The following SMYD3 variants were observed in gnomAD, a reference collection of about 807,000 sequenced individuals.
SMYD3 encodes SET and MYND domain containing 3, also known as histone-lysine N-methyltransferase SMYD3.
In SMYD3, 36 loss-of-function variants were observed where a neutral mutation model predicts 57.7. The ratio of observed to expected loss-of-function variants is 0.62; its 90% CI spans 0.48 to 0.82. The LOEUF (loss-of-function observed/expected upper bound fraction) is 0.82. Among genes scored for constraint, SMYD3 ranks in the 40% least tolerant of loss-of-function variants. The probability of loss-of-function intolerance (pLI) is 0.00; values close to 1 mark genes in which losing one functional copy is unlikely to be tolerated. For synonymous variants in SMYD3, 211 were observed against 195.0 expected (o/e 1.08, Z -0.68); for missense variants, 515 against 538.8 (o/e 0.96, Z 0.44).
At chr1:246,309,837 C>T (rs182637023) in intron 5 of SMYD3, among the ~76,000 whole-genome samples, 1 of 152,198 alleles carries the variant, frequency 6.6e-6, no homozygotes, top group Admixed American at 6.5e-5. Flanking sequence ...ATCTGGTGAA[C>T]TCCATTTAAA....
chr1:245,749,726 A>T, intron 11 of SMYD3, 62 bp from the exon 12 acceptor site: 1 of 1,322,782 alleles, frequency 7.6e-7, no homozygotes, highest in South Asian at 1.2e-5. Flanking sequence ...GCCATTCCCC[A>T]CCTTTACCCC....
intron 5 of SMYD3, among the ~76,000 whole-genome samples, chr1:246,269,533 C>CTTT (rs139750750): frequency 7.2e-6 from 1 of 138,788 alleles, no homozygotes; most frequent in Non-Finnish European, 1.5e-5. Context: ...CTTTCTGTTT[C>CTTT]TTTTTTTTTC....
chr1:246,072,063 CGTGTAGTT>C (rs2060461540), intron 5 of SMYD3, among the ~76,000 whole-genome samples: 1 of 35,552 alleles, frequency 2.8e-5, no homozygotes, highest in Non-Finnish European at 4.3e-5. Context: ...GTGGATGCAT[CGTGTAGTT>C]CTGGGGAGGG....
chr1:245,842,104 A>G (rs2050430795), intron 10 of SMYD3, among the ~76,000 whole-genome samples: 1 of 152,184 alleles, frequency 6.6e-6, no homozygotes, highest in East Asian at 1.9e-4. Context: ...GGATTTCACA[A>G]TCTAGGTTTG....
chr1:245,914,655 G>A (rs57441295), intron 8 of SMYD3, among the ~76,000 whole-genome samples: 4,104 of 152,248 alleles, frequency 0.027, 181 homozygotes, highest in African/African-American at 0.093. Context: ...ACAAACTTAG[G>A]AGGAACGAAT....
At chr1:246,420,595 G>A (rs1046551522) in intron 1 of SMYD3, among the ~76,000 whole-genome samples, 1 of 152,196 alleles carries the variant, frequency 6.6e-6, no homozygotes, top group Non-Finnish European at 1.5e-5. Flanking sequence ...GGACAGAGAA[G>A]ATAGTCTTAT....
chr1:245,828,490 T>A (rs965402961), intron 10 of SMYD3, among the ~76,000 whole-genome samples: 2 of 152,218 alleles, frequency 1.3e-5, no homozygotes, highest in Admixed American at 1.3e-4. Flanking sequence ...ATTATTTTTT[T>A]TTGATGATAG....
chr1:246,472,746 A>G (rs963763546), intron 1 of SMYD3, among the ~76,000 whole-genome samples: 3 of 152,052 alleles, frequency 2.0e-5, no homozygotes, highest in African/African-American at 4.8e-5. Context: ...CCTGTCTCCA[A>G]AAAAAAGTCA....
At chr1:245,851,030 A>G (rs986365486) in intron 10 of SMYD3, among the ~76,000 whole-genome samples, 5 of 152,144 alleles carry the variant, frequency 3.3e-5, no homozygotes, top group African/African-American at 1.2e-4. Context: ...GAGGCTTTAA[A>G]ATAGTAGAAT....
chr1:246,418,693 C>G (rs989494910), intron 1 of SMYD3, among the ~76,000 whole-genome samples: 1 of 152,132 alleles, frequency 6.6e-6, no homozygotes, highest in African/African-American at 2.4e-5. Context: ...ATGGTTTTCT[C>G]CCGGAGTCGG....
intron 10 of SMYD3, among the ~76,000 whole-genome samples, chr1:245,821,152 C>G (rs1333234243): frequency 6.7e-6 from 1 of 150,006 alleles, no homozygotes; most frequent in Non-Finnish European, 1.5e-5. Flanking sequence ...AACTATACTA[C>G]AAGGCTACAG....
intron 8 of SMYD3, among the ~76,000 whole-genome samples, chr1:245,870,748 A>G (rs2052142571): frequency 6.6e-6 from 1 of 152,198 alleles, no homozygotes; most frequent in African/African-American, 2.4e-5. Context: ...TTACAAAGCT[A>G]CGTTTCTTCC....
At chr1:245,936,925 GT>G (rs1167419515) in intron 5 of SMYD3, among the ~76,000 whole-genome samples, 14 of 152,132 alleles carry the variant, frequency 9.2e-5, no homozygotes, top group Admixed American at 2.6e-4. Flanking sequence ...GCGATATCAC[GT>G]GATAAAGGAG....
intron 5 of SMYD3, among the ~76,000 whole-genome samples, chr1:246,093,284 G>A (rs983167896): frequency 5.3e-5 from 8 of 152,130 alleles, no homozygotes; most frequent in Non-Finnish European, 5.9e-5. Context: ...CCAAAAGAAA[G>A]GAACTCAGTG....
At chr1:245,905,944 C>CA (rs2054533655) in intron 8 of SMYD3, among the ~76,000 whole-genome samples, 1 of 152,126 alleles carries the variant, frequency 6.6e-6, no homozygotes, top group Non-Finnish European at 1.5e-5. Context: ...TAGCCATATG[C>CA]AAAAGAATGA....
Position 246,007,689 on chromosome 1 carries a change from T to A in SMYD3, c.532-77752A>T, listed in dbSNP as rs534414481. Among the ~76,000 whole-genome samples the A allele has an allele frequency of 1.2e-3, 176 of 151,638 alleles. 3 individuals carry two copies. The Middle Eastern group carries it at 0.014, about 12-fold the overall frequency. On this transcript the variant is annotated intron_variant, in intron 5 of 11. Transcript: ENST00000490107. ...AAAATTTGCCAGGCATGGTGCCATA[T>A]GCCTGTAGTCCCAACTACTCAGGAG...
In SMYD3 at chr1:246,405,099, G is replaced by A. The variant is rs113285502; in HGVS notation, c.165-50005C>T. Among the ~76,000 whole-genome samples, 1,124 of 152,128 alleles carry A rather than the reference G, an allele frequency of 7.4e-3. 13 individuals carry two copies. The highest frequency in any genetic ancestry group is 0.024 in the African/African-American group (980 of 41,508). ...CCCAAGTAGCTGGGACTACAGGTGTGCACGACCACACCTGGCTAATTTTTA... is the reference window on the plus strand; with the variant it reads ...CCCAAGTAGCTGGGACTACAGGTGTACACGACCACACCTGGCTAATTTTTA... On this transcript the variant is annotated intron_variant, in intron 1 of 11. Transcript: ENST00000490107.
chr1:246,317,495 G>A (rs562995836), intron 5 of SMYD3, among the ~76,000 whole-genome samples: 39 of 152,372 alleles, frequency 2.6e-4, no homozygotes, highest in Admixed American at 1.1e-3. Context: ...TGGTTGGGGA[G>A]AAATAGAAAG....
rs749974413 is a variant in SMYD3, at chr1:246,507,120, G to A, written c.98C>T (p.Ser33Leu). 4 of 1,533,608 alleles carry A rather than the reference G, an allele frequency of 2.6e-6. No homozygotes were observed. The Admixed American group carries it at 8.1e-5, about 31-fold the overall frequency. Residue 33 changes from serine (S) to leucine (L), a missense_variant, in exon 1 of 12, where the codon TCG (serine) becomes TTG (leucine). By Grantham distance (145) the Ser-to-Leu change is moderately radical (BLOSUM62 -2). Transcript: ENST00000490107. ...PLRPGELLFR[S>L]DPLAYTVCKG... ...GCACACCGTGTACGCCAAGGGATCC[G>A]AGCGGAAGAGTAGCTCTCCGGGGCG...
Sources: allele counts gnomAD v4.1 joint callset (sites outside exome capture counted in the v4.1 genomes callset), GRCh38; gene constraint gnomAD v4.1.1; transcripts MANE v1.5; gene names NCBI Gene and HGNC (gene_info 2026-07-23, HGNC 2026-07-21).